ADGRB3: variants seen among roughly 807,000 people sequenced by gnomAD.
ADGRB3 encodes the protein brain-specific angiogenesis inhibitor 3.
ADGRB3 carries 37 observed loss-of-function variants against 193.4 expected under a neutral mutation model. That is an observed-to-expected ratio of 0.19 (90% CI 0.15 to 0.25). The LOEUF (loss-of-function observed/expected upper bound fraction) is 0.25, where lower values mean the gene tolerates loss of function less well. ADGRB3 is among the 10% of genes least tolerant of loss of function. The probability of loss-of-function intolerance (pLI) is 1.00; values close to 1 mark genes in which losing one functional copy is unlikely to be tolerated. For synonymous variants in ADGRB3, 690 were observed against 644.2 expected, an observed-to-expected ratio of 1.07 and a Z score of -1.08; for missense variants, 1,637 against 1,852.9, an observed-to-expected ratio of 0.88 and a Z score of 2.14.
At chr6:68,999,560 A>T (rs1329161713) in intron 11 of ADGRB3, among the ~76,000 whole-genome samples, 1 of 152,166 alleles carries the variant, frequency 6.6e-6, no homozygotes, top group Non-Finnish European at 1.5e-5. Context: ...CACTGCGCCC[A>T]GCCAGATTTC....
At chr6:68,732,879 A>G (rs1401413928) in intron 3 of ADGRB3, among the ~76,000 whole-genome samples, 1 of 151,938 alleles carries the variant, frequency 6.6e-6, no homozygotes, top group Non-Finnish European at 1.5e-5. Flanking sequence ...AAATTTTCCT[A>G]GAGGGCTTGT....
chr6:69,304,998 T>C (rs1768035056), intron 20 of ADGRB3, among the ~76,000 whole-genome samples: 1 of 151,526 alleles, frequency 6.6e-6, no homozygotes, highest in Non-Finnish European at 1.5e-5. Flanking sequence ...AGTGTGAATC[T>C]CAGCATGGCT....
At chr6:68,882,528 T>C (rs918466059) in intron 3 of ADGRB3, among the ~76,000 whole-genome samples, 2 of 152,220 alleles carry the variant, frequency 1.3e-5, no homozygotes, top group Admixed American at 6.5e-5. Flanking sequence ...AAAAGAATTA[T>C]ATGCTTCCTT....
chr6:69,016,366 T>C (rs1277973469), intron 12 of ADGRB3, among the ~76,000 whole-genome samples: 2 of 151,944 alleles, frequency 1.3e-5, no homozygotes, highest in Non-Finnish European at 2.9e-5. Flanking sequence ...ATGTGCATCA[T>C]AGCCAATCCA....
intron 26 of ADGRB3, among the ~76,000 whole-genome samples, chr6:69,349,392 C>G (rs1769175457): frequency 6.6e-6 from 1 of 152,128 alleles, no homozygotes; most frequent in Admixed American, 6.5e-5. Context: ...AATAGAAAGT[C>G]ATTGGGACTG....
intron 3 of ADGRB3, among the ~76,000 whole-genome samples, chr6:68,761,910 T>C (rs547288220): frequency 6.5e-4 from 99 of 152,302 alleles, no homozygotes; most frequent in African/African-American, 2.3e-3. Context: ...GTGACCATTA[T>C]ATTGTCTAGT....
chr6:69,130,751 T>C (rs760532603), intron 17 of ADGRB3, among the ~76,000 whole-genome samples: 2 of 152,028 alleles, frequency 1.3e-5, no homozygotes, highest in Non-Finnish European at 2.9e-5. Context: ...CAAATTCCAA[T>C]GTGGATCAGT....
chr6:69,097,516 C>G (rs985258204), intron 17 of ADGRB3, among the ~76,000 whole-genome samples: 2 of 152,120 alleles, frequency 1.3e-5, no homozygotes, highest in African/African-American at 4.8e-5. Flanking sequence ...GACAATTTGT[C>G]TCAATAGATT....
At chr6:69,133,505 C>A (rs1774069496) in intron 17 of ADGRB3, among the ~76,000 whole-genome samples, 1 of 151,892 alleles carries the variant, frequency 6.6e-6, no homozygotes, top group Non-Finnish European at 1.5e-5. Flanking sequence ...ACACCCATGA[C>A]CAGATGGATT....
At chr6:69,287,637 G>C (rs1767580651) in intron 20 of ADGRB3, among the ~76,000 whole-genome samples, 1 of 152,154 alleles carries the variant, frequency 6.6e-6, no homozygotes, top group Non-Finnish European at 1.5e-5. Flanking sequence ...TTAAGCTCAT[G>C]GAGAGAAATG....
intron 3 of ADGRB3, among the ~76,000 whole-genome samples, chr6:68,879,158 C>T (rs1432288852): frequency 6.6e-6 from 1 of 150,702 alleles, no homozygotes; most frequent in East Asian, 2.0e-4. Context: ...ATAGGTGCTC[C>T]AATAATGTCA....
chr6:69,015,555 G>T (rs968381176), intron 12 of ADGRB3, among the ~76,000 whole-genome samples: 1 of 151,870 alleles, frequency 6.6e-6, no homozygotes, highest in African/African-American at 2.4e-5. Context: ...TGGCACAAAC[G>T]GTGAACTTTG....
chr6:69,135,746 G>T (rs1454256043), intron 17 of ADGRB3, among the ~76,000 whole-genome samples: 1 of 151,962 alleles, frequency 6.6e-6, no homozygotes, highest in Non-Finnish European at 1.5e-5. Flanking sequence ...TCAAAAGCCT[G>T]CCTGAAAATA....
chr6:69,137,332 A>G (rs1412392494), intron 17 of ADGRB3, among the ~76,000 whole-genome samples: 1 of 151,806 alleles, frequency 6.6e-6, no homozygotes, highest in Non-Finnish European at 1.5e-5. Flanking sequence ...CAGTTCACAA[A>G]ATGATAAAGT....
intron 17 of ADGRB3, among the ~76,000 whole-genome samples, chr6:69,214,959 G>A (rs140570119): frequency 3.3e-5 from 5 of 152,088 alleles, no homozygotes; most frequent in East Asian, 1.9e-4. Context: ...TTCCTGATAC[G>A]ATATTCCAAG....
intron 17 of ADGRB3, among the ~76,000 whole-genome samples, chr6:69,106,086 G>GA (rs1417533844): frequency 6.1e-5 from 9 of 146,904 alleles, no homozygotes; most frequent in Non-Finnish European, 1.3e-4. Flanking sequence ...TTAAACCCGG[G>GA]AGGCAGAGGC....
intron 17 of ADGRB3, among the ~76,000 whole-genome samples, chr6:69,122,488 A>AGGGGGAGGGGGGT: frequency 4.6e-4 from 1 of 2,166 alleles, no homozygotes; most frequent in Non-Finnish European, 9.3e-4. Context: ...GGGAGGGGGG[A>AGGGGGAGGGGGGT]GGGGGAGGGG....
intron 3 of ADGRB3, among the ~76,000 whole-genome samples, chr6:68,894,279 G>C (rs1205732352): frequency 1.3e-5 from 2 of 151,754 alleles, no homozygotes; most frequent in East Asian, 1.9e-4. Flanking sequence ...AAAGCAAAAT[G>C]GTGCTTTATT....
intron 23 of ADGRB3, chr6:69,332,536 C>CT (rs1768752425): frequency 2.0e-6 from 2 of 985,354 alleles, no homozygotes; most frequent in African/African-American, 3.5e-5. Context: ...ACCTCATACT[C>CT]TAAGATTCAG....
Sources: allele counts gnomAD v4.1 joint callset (sites outside exome capture counted in the v4.1 genomes callset), GRCh38; gene constraint gnomAD v4.1.1; transcripts MANE v1.5; gene names NCBI Gene and HGNC (gene_info 2026-07-23, HGNC 2026-07-21).